Variants in CTNND2 observed in about 807,000 individuals in gnomAD.
CTNND2 encodes the protein catenin delta-2.
Under a neutral mutation model 144.4 loss-of-function variants are expected in CTNND2, and 22 were observed. That is an observed-to-expected ratio of 0.15 (90% CI 0.11 to 0.22). CTNND2 has a LOEUF of 0.22. Among genes scored for constraint, CTNND2 ranks in the 10% least tolerant of loss-of-function variants. The pLI, the probability that CTNND2 is intolerant of heterozygous loss-of-function variation, is 1.00. For synonymous variants in CTNND2, 751 were observed against 695.6 expected, an observed-to-expected ratio of 1.08 and a Z score of -1.25; for missense variants, 1,353 against 1,618.8, an observed-to-expected ratio of 0.84 and a Z score of 2.82.
chr5:11,794,118 C>T (rs745631625), intron 1 of CTNND2, among the ~76,000 whole-genome samples: 1 of 152,234 alleles, frequency 6.6e-6, no homozygotes, highest in Non-Finnish European at 1.5e-5. Flanking sequence ...TGGCATTAGG[C>T]CAACTCCTGA....
intron 2 of CTNND2, among the ~76,000 whole-genome samples, chr5:11,700,816 G>A (rs1785399207): frequency 6.6e-6 from 1 of 152,170 alleles, no homozygotes; most frequent in African/African-American, 2.4e-5. Flanking sequence ...TTGAACAACT[G>A]AACTAAAGAG....
At chr5:11,714,683 G>T (rs1786251127) in intron 2 of CTNND2, among the ~76,000 whole-genome samples, 1 of 152,094 alleles carries the variant, frequency 6.6e-6, no homozygotes, top group South Asian at 2.1e-4. Flanking sequence ...GAGGCGGGCG[G>T]ATCAAGAGGT....
intron 2 of CTNND2, among the ~76,000 whole-genome samples, chr5:11,611,923 A>T (rs765839121): frequency 3.3e-5 from 5 of 152,198 alleles, no homozygotes; most frequent in African/African-American, 4.8e-5. Flanking sequence ...CCAGACTCTG[A>T]GCTCTTTGAG....
chr5:11,243,401 T>C (rs1742655424), intron 9 of CTNND2, among the ~76,000 whole-genome samples: 1 of 152,174 alleles, frequency 6.6e-6, no homozygotes, highest in Admixed American at 6.5e-5. Context: ...CTGGGAGTAT[T>C]ATTGGGATGA....
At chr5:11,353,062 C>CTTTT (rs35251702) in intron 8 of CTNND2, among the ~76,000 whole-genome samples, 1 of 125,474 alleles carries the variant, frequency 8.0e-6, no homozygotes. Flanking sequence ...GATACACAGT[C>CTTTT]TTTTTTTTTT....
intron 7 of CTNND2, among the ~76,000 whole-genome samples, chr5:11,367,282 G>T (rs778035086): frequency 6.6e-6 from 1 of 152,150 alleles, no homozygotes; most frequent in Non-Finnish European, 1.5e-5. Flanking sequence ...GAGACACAGA[G>T]AACTATGGGA....
intron 16 of CTNND2, among the ~76,000 whole-genome samples, chr5:11,031,611 A>G (rs1743483691): frequency 6.6e-6 from 1 of 152,150 alleles, no homozygotes; most frequent in African/African-American, 2.4e-5. Context: ...TGTGTCTGTG[A>G]GGGTGTTGCC....
chr5:11,571,653 C>T (rs1400453558), intron 2 of CTNND2, among the ~76,000 whole-genome samples: 1 of 152,088 alleles, frequency 6.6e-6, no homozygotes, highest in African/African-American at 2.4e-5. Context: ...CACTATACTT[C>T]ATGCCCCATG....
chr5:11,563,795 A>G (rs886598060), intron 3 of CTNND2, among the ~76,000 whole-genome samples: 1 of 152,180 alleles, frequency 6.6e-6, no homozygotes, highest in African/African-American at 2.4e-5. Context: ...TGTGACTCCA[A>G]TACGAAATGC....
intron 1 of CTNND2, among the ~76,000 whole-genome samples, chr5:11,797,527 C>G (rs557107031): frequency 1.3e-5 from 2 of 152,082 alleles, no homozygotes; most frequent in Non-Finnish European, 2.9e-5. Flanking sequence ...CAACTCCAAA[C>G]TAAAATGTTT....
At chr5:11,186,314 A>G (rs963488099) in intron 11 of CTNND2, among the ~76,000 whole-genome samples, 2 of 152,214 alleles carry the variant, frequency 1.3e-5, no homozygotes, top group African/African-American at 4.8e-5. Flanking sequence ...GAAGTAAAGG[A>G]CTATAATATA....
intron 2 of CTNND2, among the ~76,000 whole-genome samples, chr5:11,591,202 G>C (rs1176243535): frequency 3.9e-5 from 6 of 152,160 alleles, no homozygotes; most frequent in African/African-American, 1.4e-4. Flanking sequence ...CATTCTCTGT[G>C]AAGGTGTCCC....
chr5:11,800,765 TG>T, intron 1 of CTNND2, among the ~76,000 whole-genome samples: 1 of 152,342 alleles, frequency 6.6e-6, no homozygotes, highest in African/African-American at 2.4e-5. Context: ...TCTCAGCTAT[TG>T]GAAAACCTAA....
intron 5 of CTNND2, among the ~76,000 whole-genome samples, chr5:11,406,965 A>G (rs954945586): frequency 1.3e-5 from 2 of 152,038 alleles, no homozygotes; most frequent in Admixed American, 1.3e-4. Flanking sequence ...GCAAAATACA[A>G]TATTTAAACA....
chr5:11,875,175 G>A (rs566929495), intron 1 of CTNND2, among the ~76,000 whole-genome samples: 1 of 152,274 alleles, frequency 6.6e-6, no homozygotes, highest in South Asian at 2.1e-4. Flanking sequence ...CATTCTGGTA[G>A]AAACCTTTGT....
rs1389659475 is a variant in CTNND2 at position 11,818,501 on chromosome 5, T to C, written c.37+85316A>G. ...CTCCTGCCTCAGCCTCCCAAGTAGC[T>C]GAAACTACAGCTGCCACCACCATGC... On this transcript the variant is annotated intron_variant, in intron 1 of 21. Transcript: ENST00000304623. Among the ~76,000 whole-genome samples, 3 of 152,032 alleles carry C rather than the reference T, an allele frequency of 2.0e-5. No individual in the cohort carries two copies. In the East Asian group the frequency reaches 5.8e-4, roughly 29 times the overall value.
chr5:11,061,733 AGTTTT>A lies in CTNND2; in HGVS notation c.2788+20958_2788+20962del, dbSNP rs376101554. ...TTCTTTCTCTTTTTTTTTTAGACAA[AGTTTT>A]GTTCTTGTCACCTAGGCTGGAGTAC... On this transcript the variant is annotated intron_variant, in intron 16 of 21. Transcript: ENST00000304623. Among the ~76,000 whole-genome samples the A allele has an allele frequency of 3.3e-3, 503 of 151,454 alleles. 3 individuals carry two copies. The highest frequency in any genetic ancestry group is 0.011 in the African/African-American group (469 of 41,122).
chr5:11,250,612 G>A (rs1743525930), intron 9 of CTNND2, among the ~76,000 whole-genome samples: 1 of 150,180 alleles, frequency 6.7e-6, no homozygotes, highest in African/African-American at 2.5e-5. Flanking sequence ...GAATTCCTGA[G>A]CTCAAGTGAT....
chr5:11,879,339 G>A (rs577874172), intron 1 of CTNND2, among the ~76,000 whole-genome samples: 3,536 of 100,984 alleles, frequency 0.035, 205 homozygotes, highest in African/African-American at 0.067. Flanking sequence ...AATTAAATGT[G>A]TGTATATATA....
Sources: gnomAD v4.1 joint callset for allele counts (sites outside exome capture counted in the v4.1 genomes callset) on GRCh38, gnomAD v4.1.1 for gene constraint, MANE v1.5 for transcripts, NCBI Gene and HGNC (gene_info 2026-07-23, HGNC 2026-07-21) for gene names.